Variants in SAMMSON observed in about 807,000 individuals in gnomAD.
The protein encoded by SAMMSON is long intergenic non-protein coding RNA 1212.
At chr3:70,104,177 G>C (rs1359022111) in intron 4 of SAMMSON, among the ~76,000 whole-genome samples, 4 of 151,886 alleles carry the variant, frequency 2.6e-5, no homozygotes, top group Non-Finnish European at 4.4e-5. Flanking sequence ...CTGAATGTGA[G>C]AGTCCAATAA....
At chr3:70,066,725 A>G (rs1203467334) in intron 3 of SAMMSON, among the ~76,000 whole-genome samples, 1 of 152,132 alleles carries the variant, frequency 6.6e-6, no homozygotes, top group Non-Finnish European at 1.5e-5. Flanking sequence ...AGGGATTTAA[A>G]TTAATCTGAG....
intron 3 of SAMMSON, among the ~76,000 whole-genome samples, chr3:70,022,128 A>G (rs1482709476): frequency 6.6e-6 from 1 of 152,042 alleles, no homozygotes; most frequent in Admixed American, 6.6e-5. Flanking sequence ...TCCTCCAATA[A>G]TCTGTTGTCC....
intron 4 of SAMMSON, among the ~76,000 whole-genome samples, chr3:70,143,687 T>G: frequency 6.6e-6 from 1 of 152,130 alleles, no homozygotes; most frequent in South Asian, 2.1e-4. Context: ...CACAGTTACT[T>G]TGGAAATCAC....
At chr3:70,055,539 A>G (rs1039166715) in intron 3 of SAMMSON, among the ~76,000 whole-genome samples, 7 of 152,106 alleles carry the variant, frequency 4.6e-5, no homozygotes, top group South Asian at 2.1e-4. Context: ...TAAACCTCCA[A>G]TGATATTTCC....
In SAMMSON at chr3:70,395,348, T is replaced by TTGTG. The variant is rs1553662090; in HGVS notation, n.233+37026_233+37029dup. On this transcript the variant is annotated intron_variant and non_coding_transcript_variant, in intron 2 of 3. Coordinates refer to the SAMMSON transcript ENST00000641053. ...CTCTCTCTCTTTTTTTTTTTTTTTT[T>TTGTG]TGTGTTGTTGTTGTTGCTATTGTGC... is the stretch of plus-strand genomic sequence containing the variant. 6.9e-4 allele frequency among the ~76,000 whole-genome samples: 103 copies of TTGTG among 149,848 alleles called. 1 individual carries two copies. Among genetic ancestry groups the TTGTG allele is most frequent in the African/African-American group, 2.5e-3 (102 of 40,466 alleles).
At chr3:70,269,451 G>A (rs1701954515) in intron 6 of SAMMSON, among the ~76,000 whole-genome samples, 1 of 152,164 alleles carries the variant, frequency 6.6e-6, no homozygotes, top group Non-Finnish European at 1.5e-5. Context: ...CCATGTTCAA[G>A]TAAGGCAAAT....
intron 4 of SAMMSON, among the ~76,000 whole-genome samples, chr3:70,099,723 A>C (rs2067335430): frequency 6.6e-6 from 1 of 152,126 alleles, no homozygotes; most frequent in Admixed American, 6.5e-5. Context: ...CTCCTACTTA[A>C]GTTTTGGCAA....
At chr3:70,434,244 G>A (rs1037139817) in intron 2 of SAMMSON, among the ~76,000 whole-genome samples, 1 of 152,132 alleles carries the variant, frequency 6.6e-6, no homozygotes, top group Admixed American at 6.5e-5. Context: ...GCAATATTGA[G>A]ACTTCTTATC....
At chr3:70,097,345 C>T (rs1038053757) in intron 4 of SAMMSON, among the ~76,000 whole-genome samples, 3 of 152,224 alleles carry the variant, frequency 2.0e-5, no homozygotes, top group Non-Finnish European at 2.9e-5. Flanking sequence ...CAGTCTTATT[C>T]CAAGTATTGG....
At chr3:70,059,975 A>T (rs968654689) in intron 3 of SAMMSON, among the ~76,000 whole-genome samples, 2 of 152,174 alleles carry the variant, frequency 1.3e-5, no homozygotes, top group African/African-American at 4.8e-5. Flanking sequence ...GATATACAGG[A>T]ATCATGGATA....
intron 3 of SAMMSON, among the ~76,000 whole-genome samples, chr3:70,059,249 G>A (rs2067178775): frequency 6.6e-6 from 1 of 152,168 alleles, no homozygotes; most frequent in Admixed American, 6.6e-5. Context: ...AGAACATTAG[G>A]TAAGCATTTT....
chr3:70,416,273 T>C (rs925158388), intron 2 of SAMMSON, among the ~76,000 whole-genome samples: 1 of 152,196 alleles, frequency 6.6e-6, no homozygotes, highest in Non-Finnish European at 1.5e-5. Context: ...TTCTTAATAA[T>C]TTCCCTTCAT....
intron 7 of SAMMSON, among the ~76,000 whole-genome samples, chr3:70,339,421 A>G (rs974222991): frequency 6.6e-6 from 1 of 152,210 alleles, no homozygotes; most frequent in Non-Finnish European, 1.5e-5. Flanking sequence ...ATTAAACTAA[A>G]GAGCTTCTGC....
At chr3:70,244,906 T>A (rs1047609149) in intron 4 of SAMMSON, among the ~76,000 whole-genome samples, 2 of 152,196 alleles carry the variant, frequency 1.3e-5, no homozygotes, top group African/African-American at 2.4e-5. Context: ...AATTCATTCA[T>A]AAATAGTCTT....
chr3:70,090,733 A>G (rs1576119212), intron 4 of SAMMSON, among the ~76,000 whole-genome samples: 1 of 152,120 alleles, frequency 6.6e-6, no homozygotes, highest in African/African-American at 2.4e-5. Context: ...TTTTATTGGC[A>G]ACTAAAGTAA....
intron 4 of SAMMSON, among the ~76,000 whole-genome samples, chr3:70,224,456 T>C (rs1222089722): frequency 6.6e-6 from 1 of 152,216 alleles, no homozygotes; most frequent in Non-Finnish European, 1.5e-5. Context: ...GGCCCTTTTT[T>C]AAAGAAAAGC....
At chr3:70,153,737 G>A (rs759443345) in intron 4 of SAMMSON, among the ~76,000 whole-genome samples, 3 of 151,620 alleles carry the variant, frequency 2.0e-5, no homozygotes, top group Non-Finnish European at 4.4e-5. Flanking sequence ...CGTTTTAATC[G>A]TACAGTTCTG....
At chr3:70,033,596 C>G (rs1465761236) in intron 3 of SAMMSON, among the ~76,000 whole-genome samples, 1 of 152,024 alleles carries the variant, frequency 6.6e-6, no homozygotes, top group East Asian at 1.9e-4. Flanking sequence ...TAACAGCCAG[C>G]CAGATAAAAT....
chr3:70,413,664 T>A, intron 2 of SAMMSON, among the ~76,000 whole-genome samples: 1 of 152,066 alleles, frequency 6.6e-6, no homozygotes, highest in East Asian at 1.9e-4. Context: ...TACAAAACAT[T>A]TTGTGGAGAT....
Sources: gnomAD v4.1 joint callset for allele counts (sites outside exome capture counted in the v4.1 genomes callset) on GRCh38, gnomAD v4.1.1 for gene constraint, MANE v1.5 for transcripts, NCBI Gene and HGNC (gene_info 2026-07-23, HGNC 2026-07-21) for gene names.